The following RAB23 variants were observed in gnomAD, a reference collection of about 807,000 sequenced individuals.
RAB23 encodes RAB23, member RAS oncogene family, also known as ras-related protein Rab-23.
In RAB23, 15 loss-of-function variants were observed where a neutral mutation model predicts 30.0. The observed-to-expected ratio is 0.50, with a 90% CI of 0.33 to 0.77. The LOEUF (loss-of-function observed/expected upper bound fraction) is 0.77. Ranked by LOEUF, RAB23 falls within the 30% of genes least tolerant of loss-of-function variation. The pLI, the probability that RAB23 is intolerant of heterozygous loss-of-function variation, is 0.02. For missense variants in RAB23, 243 were observed against 275.4 expected (o/e 0.88, Z 0.83); for synonymous variants, 93 against 94.0 (o/e 0.99, Z 0.06).
chr6:57,210,069 G>C (rs1351179198), intron 2 of RAB23, among the ~76,000 whole-genome samples, 157 bp downstream of exon 2: 1 of 151,586 alleles, frequency 6.6e-6, no homozygotes, highest in Non-Finnish European at 1.5e-5. Flanking sequence ...AAAGGATAAA[G>C]TTACATATGT....
At chr6:57,201,798 A>G (rs1024778755) in intron 3 of RAB23, among the ~76,000 whole-genome samples, 5 of 152,164 alleles carry the variant, frequency 3.3e-5, no homozygotes, top group African/African-American at 1.2e-4. Context: ...ACAAAAATCT[A>G]TTTCATGTCG....
Position 57,189,436 on chromosome 6 carries a change from CAGTG to C in RAB23, c.*1021_*1024del, listed in dbSNP as rs772529109. The C allele has an allele frequency of 2.0e-5, 3 of 152,176 alleles. No homozygotes were observed. The highest frequency in any genetic ancestry group is 4.8e-5 in the African/African-American group (2 of 41,440). The allele number at this position is 152,176 out of a possible 1,614,324, so 9.4% of individuals were successfully genotyped here. On this transcript the variant is annotated 3_prime_UTR_variant, in exon 7 of 7. Coordinates refer to ENST00000468148, the MANE Select transcript of RAB23 (RefSeq NM_016277.5). ...TCTTGTAAGTTCAAAGCTGGGTTCT[CAGTG>C]AGCAGCAAAAGGTGTTAGATGCATC...
chr6:57,190,513 T>C lies in RAB23; in HGVS notation c.662A>G (p.Lys221Arg). ...GGDVINLRPNKQRTKKNRNPF... is the reference protein window; with the variant it reads ...GGDVINLRPNRQRTKKNRNPF... ...ATTTCTGTTTTTCTTGGTCCTTTGT[T>C]TGTTGGGTCTAAGATTGATGACATC... Residue 221 changes from lysine to arginine, a missense_variant, in exon 7 of 7, where the codon AAA (lysine) becomes AGA (arginine). By Grantham distance (26) the Lys-to-Arg change is conservative. Transcript: ENST00000468148. The C allele has an allele frequency of 6.2e-7, 1 of 1,614,100 alleles. No homozygotes were observed. The highest frequency in any genetic ancestry group is 8.5e-7 in the Non-Finnish European group (1 of 1,179,956).
At chr6:57,207,444 G>GTA (rs562388948) in intron 3 of RAB23, among the ~76,000 whole-genome samples, 184 bp downstream of exon 3, 23 of 152,110 alleles carry the variant, frequency 1.5e-4, no homozygotes, top group Non-Finnish European at 2.8e-4. Context: ...ACAGTACCAG[G>GTA]TATTATTTGC....
At chr6:57,201,225 C>T (rs984500382) in intron 3 of RAB23, among the ~76,000 whole-genome samples, 4 of 151,946 alleles carry the variant, frequency 2.6e-5, no homozygotes, top group African/African-American at 4.8e-5. Context: ...AGATTACAGG[C>T]GCCCACCACC....
intron 1 of RAB23, chr6:57,221,349 G>A (rs1304284498): frequency 6.6e-6 from 1 of 152,286 alleles, no homozygotes; most frequent in Non-Finnish European, 1.5e-5. Context: ...TTACTCCTGG[G>A]AACTGCCGAT....
intron 1 of RAB23, among the ~76,000 whole-genome samples, chr6:57,218,753 G>C (rs983496805): frequency 6.6e-6 from 1 of 151,808 alleles, no homozygotes; most frequent in African/African-American, 2.4e-5. Flanking sequence ...TCAGGAGACA[G>C]AGGCACAAGA....
At chr6:57,215,249 A>C (rs1263513960) in intron 1 of RAB23, among the ~76,000 whole-genome samples, 1 of 152,214 alleles carries the variant, frequency 6.6e-6, no homozygotes, top group African/African-American at 2.4e-5. Flanking sequence ...AAGGACTTGA[A>C]GAAATAATGA....
chr6:57,192,598 A>C (rs1483081426), intron 6 of RAB23, among the ~76,000 whole-genome samples: 19 of 152,202 alleles, frequency 1.2e-4, no homozygotes, highest in Admixed American at 1.2e-3. Context: ...CTATTCTTTT[A>C]GAAGATGGAG....
At chr6:57,204,796 A>G (rs1450063518) in intron 3 of RAB23, among the ~76,000 whole-genome samples, 1 of 152,136 alleles carries the variant, frequency 6.6e-6, no homozygotes, top group Non-Finnish European at 1.5e-5. Flanking sequence ...TCCCTAGAAC[A>G]ACAGAGACAC....
chr6:57,198,107 A>G (rs999600202), intron 3 of RAB23, among the ~76,000 whole-genome samples: 5 of 152,156 alleles, frequency 3.3e-5, no homozygotes, highest in Non-Finnish European at 5.9e-5. Context: ...ATAATAAATG[A>G]ATAATGCAAA....
intron 3 of RAB23, among the ~76,000 whole-genome samples, chr6:57,203,177 TG>T (rs1765333693): frequency 6.6e-6 from 1 of 152,058 alleles, no homozygotes; most frequent in African/African-American, 2.4e-5. Context: ...GGCTAATTTT[TG>T]TATTTTTAGT....
intron 4 of RAB23, among the ~76,000 whole-genome samples, chr6:57,195,907 A>G (rs969110090): frequency 7.9e-5 from 12 of 152,252 alleles, no homozygotes; most frequent in African/African-American, 2.7e-4. Flanking sequence ...AACTAACATA[A>G]GAAGACTTAA....
At chr6:57,214,135 G>A (rs1765753662) in intron 1 of RAB23, among the ~76,000 whole-genome samples, 1 of 151,972 alleles carries the variant, frequency 6.6e-6, no homozygotes, top group African/African-American at 2.4e-5. Context: ...TTTTTGCTGG[G>A]GTGGTGTCAG....
rs2127995479 is a variant in RAB23, at chr6:57,188,799, T to TTTTA, written c.*1658_*1661dup. Reference sequence around the variant, plus strand: ...AAGCAAAAATTTACTTTTTAATTTTTTTTATTTTTCCATCTAAAATGGCAA... The same window carrying TTTTA: ...AAGCAAAAATTTACTTTTTAATTTTTTTTATTTATTTTTCCATCTAAAATGGCAA... On this transcript the variant is annotated 3_prime_UTR_variant, in exon 7 of 7. Transcript: ENST00000468148. 1 of 152,326 alleles carries TTTTA rather than the reference T, an allele frequency of 6.6e-6. No homozygotes were observed. The highest frequency in any genetic ancestry group is 1.9e-4 in the East Asian group (1 of 5,192). 9.4% of individuals were successfully genotyped at this position (152,326 alleles called of 1,614,324 possible).
At chr6:57,215,633 A>G (rs1341878713) in intron 1 of RAB23, among the ~76,000 whole-genome samples, 1 of 152,236 alleles carries the variant, frequency 6.6e-6, no homozygotes, top group East Asian at 1.9e-4. Flanking sequence ...GACCAATGCA[A>G]AAGAACAGCT....
chr6:57,211,930 T>C (rs189306744), intron 1 of RAB23, among the ~76,000 whole-genome samples: 227 of 152,320 alleles, frequency 1.5e-3, no homozygotes, highest in African/African-American at 5.2e-3. Flanking sequence ...AATGTGAACA[T>C]TCCTTTCTTT....
In RAB23 at chr6:57,194,751, T is replaced by C. The variant is rs745591643; in HGVS notation, c.481+19A>G. 9.7e-6 allele frequency: 15 copies of C among 1,554,286 alleles called. No homozygotes were observed. The highest frequency in any genetic ancestry group is 1.3e-5 in the Non-Finnish European group (15 of 1,127,692). The stretch of plus-strand genomic sequence containing the variant: ...ATAAAATTTCTTTTTGCAATCTATA[T>C]CCTTTAAAGGTAATTTACCTTCATT... On this transcript the variant is annotated intron_variant, in intron 5 of 6. Coordinates refer to ENST00000468148, the MANE Select transcript of RAB23 (RefSeq NM_016277.5).
Position 57,187,202 on chromosome 6 carries a change from C to T in RAB23, c.*3259G>A, listed in dbSNP as rs1332159733. ...TTTTCCTTTTATCCCCAATTTTTTG[C>T]TTTTAAAAGACCATTTACTAACATC... is the stretch of plus-strand genomic sequence containing the variant. On this transcript the variant is annotated 3_prime_UTR_variant, in exon 7 of 7. Transcript: ENST00000468148. The T allele has an allele frequency of 6.6e-6, 1 of 151,942 alleles. No homozygotes were observed. Among genetic ancestry groups the T allele is most frequent in the African/African-American group, 2.4e-5 (1 of 41,374 alleles). The allele number at this position is 151,942 out of a possible 1,614,324, so 9.4% of individuals were successfully genotyped here.
Sources: gnomAD v4.1 joint callset for allele counts (sites outside exome capture counted in the v4.1 genomes callset) on GRCh38, gnomAD v4.1.1 for gene constraint, MANE v1.5 for transcripts, NCBI Gene and HGNC (gene_info 2026-07-23, HGNC 2026-07-21) for gene names.